RASA1: variants seen among roughly 807,000 people sequenced by gnomAD.
The protein encoded by RASA1 is RAS p21 protein activator 1.
Under a neutral mutation model 132.2 loss-of-function variants are expected in RASA1, and 25 were observed. That is an observed-to-expected ratio of 0.19 (90% CI 0.14 to 0.26). The LOEUF (loss-of-function observed/expected upper bound fraction) is 0.26, where lower values mean the gene tolerates loss of function less well. Among genes scored for constraint, RASA1 ranks in the 10% least tolerant of loss-of-function variants. The probability of loss-of-function intolerance (pLI) is 1.00; values close to 1 mark genes in which losing one functional copy is unlikely to be tolerated. For missense variants in RASA1, 964 were observed against 1,299.2 expected, an observed-to-expected ratio of 0.74 and a Z score of 3.97; for synonymous variants, 477 against 449.9, an observed-to-expected ratio of 1.06 and a Z score of -0.76.
chr5:87,292,554 C>T (rs1754954298), intron 1 of RASA1, among the ~76,000 whole-genome samples: 1 of 152,040 alleles, frequency 6.6e-6, no homozygotes, highest in South Asian at 2.1e-4. Context: ...ACCACACTAT[C>T]TTGGTTACTA....
chr5:87,370,019 A>G, intron 12 of RASA1, 119 bp downstream of exon 12: 1 of 868,536 alleles, frequency 1.2e-6, no homozygotes, highest in Non-Finnish European at 1.8e-6. Context: ...AAATCTAATC[A>G]TCTCTTATTT....
rs1757549441 is a variant in RASA1, at chr5:87,330,851, A to G, written c.540-497A>G. 5.5e-6 allele frequency: 4 copies of G among 731,974 alleles called. No homozygotes were observed. In the Admixed American group the frequency reaches 1.5e-4, roughly 28 times the overall value. 45.3% of individuals were successfully genotyped at this position (731,974 alleles called of 1,614,324 possible). A position where few individuals can be genotyped will look rare whatever the true frequency, so the allele number is the denominator to read the frequency against. On this transcript the variant is annotated intron_variant, in intron 1 of 24. Coordinates refer to ENST00000274376, the MANE Select transcript of RASA1 (RefSeq NM_002890.3). Reference sequence around the variant, plus strand: ...GCTTCACGTTCAAACAGGAAATTAAAATAGCATCCTTTAGACAGTGTAATT... The same window carrying G: ...GCTTCACGTTCAAACAGGAAATTAAGATAGCATCCTTTAGACAGTGTAATT...
At chr5:87,336,879 A>G (rs1758013983) in intron 4 of RASA1, among the ~76,000 whole-genome samples, 1 of 152,094 alleles carries the variant, frequency 6.6e-6, no homozygotes. Context: ...ATAGAATACA[A>G]TATTCTATGA....
intron 9 of RASA1, among the ~76,000 whole-genome samples, chr5:87,358,691 G>A (rs1395959983): frequency 1.3e-5 from 2 of 152,144 alleles, no homozygotes; most frequent in Non-Finnish European, 2.9e-5. Flanking sequence ...AAAAGCCAAA[G>A]TCCTTAGAAT....
intron 1 of RASA1, among the ~76,000 whole-genome samples, chr5:87,278,565 A>G (rs1312342370): frequency 6.6e-6 from 1 of 151,976 alleles, no homozygotes; most frequent in Non-Finnish European, 1.5e-5. Flanking sequence ...GAAAAGAAAA[A>G]GTAATAAGTT....
intron 1 of RASA1, among the ~76,000 whole-genome samples, chr5:87,292,583 A>G (rs1055318226): frequency 6.6e-6 from 1 of 152,142 alleles, no homozygotes; most frequent in African/African-American, 2.4e-5. Context: ...TAATAAGTCT[A>G]GTAGTGTCAA....
intron 4 of RASA1, among the ~76,000 whole-genome samples, chr5:87,336,553 A>C (rs1757986365): frequency 6.6e-6 from 1 of 152,124 alleles, no homozygotes; most frequent in Non-Finnish European, 1.5e-5. Flanking sequence ...ACACAAAATA[A>C]TATAGAATGA....
intron 4 of RASA1, among the ~76,000 whole-genome samples, chr5:87,337,440 G>GT (rs930735537): frequency 1.8e-4 from 28 of 151,890 alleles, no homozygotes; most frequent in Admixed American, 4.6e-4. Context: ...ACAAGCCCTG[G>GT]TTTTTTTATA....
intron 4 of RASA1, among the ~76,000 whole-genome samples, chr5:87,337,355 T>G (rs1239036126): frequency 6.6e-6 from 1 of 152,062 alleles, no homozygotes; most frequent in African/African-American, 2.4e-5. Context: ...TTTCTCATAA[T>G]ATATCCCTTG....
In RASA1 at chr5:87,268,654, G is replaced by C. The variant is rs771016186; in HGVS notation, c.203G>C (p.Gly68Ala). The C allele has an allele frequency of 3.1e-5, 50 of 1,611,242 alleles. No individual in the cohort carries two copies. Among genetic ancestry groups the C allele is most frequent in the Non-Finnish European group, 4.2e-5 (49 of 1,179,118 alleles). The change falls in exon 1 of 25, where the codon GGG (glycine) becomes GCG (alanine). Residue 68 changes from glycine to alanine, a missense_variant. Around this residue, in one of 6 missense-constraint regions of RASA1, gnomAD observed 326 missense variants for 275.8 expected, o/e 1.18. Coordinates refer to ENST00000274376, the MANE Select transcript of RASA1 (RefSeq NM_002890.3). The stretch of plus-strand genomic sequence containing the variant: ...ACTCTGGGTGGCGGAGCCGCTTTGG[G>C]GTCAGAGTTCCTAGGAGCCGGGTCT... The part of the protein sequence containing the change: ...AGTLGGGAAL[G>A]SEFLGAGSVA...
At chr5:87,298,261 T>A (rs1218084269) in intron 1 of RASA1, among the ~76,000 whole-genome samples, 2 of 151,630 alleles carry the variant, frequency 1.3e-5, no homozygotes, top group Non-Finnish European at 2.9e-5. Context: ...TACAAAAAAT[T>A]AGCCGGGCAT....
chr5:87,334,553 A>G (rs1757828018), intron 4 of RASA1, among the ~76,000 whole-genome samples: 1 of 152,232 alleles, frequency 6.6e-6, no homozygotes, highest in South Asian at 2.1e-4. Flanking sequence ...TTATTTTCAT[A>G]ACATACTAAG....
chr5:87,342,742 A>G (rs2112402918), intron 6 of RASA1, among the ~76,000 whole-genome samples: 1 of 152,242 alleles, frequency 6.6e-6, no homozygotes, highest in South Asian at 2.1e-4. Context: ...TAAGGTAATC[A>G]CTTTGTCTAG....
At position 87,376,961 on chromosome 5, in the gene RASA1, C is replaced by A; in HGVS notation, c.2265C>A (p.Ile755=). 1 of 1,611,932 alleles carries A rather than the reference C, an allele frequency of 6.2e-7. No homozygotes were observed. The highest frequency in any genetic ancestry group is 8.5e-7 in the Non-Finnish European group (1 of 1,178,054). ...AAGACCGAACACTACTGGCCAGCAT[C>A]CTACTGAGGATTTTTCTTCACGAAA... ...CGQDRTLLAS[I]LLRIFLHEKL... is the part of the protein sequence containing the mutation. Residue 755 remains isoleucine, a synonymous_variant, in exon 17 of 25, where the codon ATC becomes ATA. Coordinates refer to ENST00000274376, the MANE Select transcript of RASA1 (RefSeq NM_002890.3).
chr5:87,295,345 GTTAAA>G (rs1343651637), intron 1 of RASA1, among the ~76,000 whole-genome samples: 3 of 151,854 alleles, frequency 2.0e-5, no homozygotes, highest in African/African-American at 4.8e-5. Flanking sequence ...TATTGATATA[GTTAAA>G]TTAATATTCA....
chr5:87,287,800 CACACCATATAT>C (rs1469180767), intron 1 of RASA1, among the ~76,000 whole-genome samples: 39 of 143,366 alleles, frequency 2.7e-4, no homozygotes, highest in African/African-American at 9.1e-4. Context: ...CATATATATA[CACACCATATAT>C]ATACCATATA....
intron 16 of RASA1, 157 bp downstream of exon 16, chr5:87,376,722 A>G: frequency 8.1e-7 from 1 of 1,229,662 alleles, no homozygotes; most frequent in Non-Finnish European, 1.1e-6. Flanking sequence ...TTTTGGTAGA[A>G]ATAAGTAGAC....
At chr5:87,382,660 C>A (rs1761801361) in intron 20 of RASA1, among the ~76,000 whole-genome samples, 1 of 152,294 alleles carries the variant, frequency 6.6e-6, no homozygotes, top group South Asian at 2.1e-4. Flanking sequence ...GCTTTTAACA[C>A]TGACATTGTC....
At chr5:87,329,832 T>C (rs955101838) in intron 1 of RASA1, among the ~76,000 whole-genome samples, 1 of 152,184 alleles carries the variant, frequency 6.6e-6, no homozygotes, top group African/African-American at 2.4e-5. Flanking sequence ...AATAAACTCA[T>C]AGCCTGAAAT....
Sources: allele counts gnomAD v4.1 joint callset (sites outside exome capture counted in the v4.1 genomes callset), GRCh38; gene constraint gnomAD v4.1.1; regional missense constraint gnomAD v4.1.1; transcripts MANE v1.5; gene names NCBI Gene and HGNC (gene_info 2026-07-23, HGNC 2026-07-21).